SNTB1: variants seen among roughly 807,000 people sequenced by gnomAD.
SNTB1 encodes the protein beta-1-syntrophin.
In SNTB1, 36 loss-of-function variants were observed where a neutral mutation model predicts 48.9. The ratio of observed to expected loss-of-function variants is 0.74; its 90% CI spans 0.56 to 0.97. SNTB1 has a LOEUF of 0.97. SNTB1 is among the 50% of genes least tolerant of loss of function. SNTB1 has a pLI of 0.00. For synonymous variants in SNTB1, 299 were observed against 294.6 expected, an observed-to-expected ratio of 1.01 and a Z score of -0.15; for missense variants, 786 against 703.4, an observed-to-expected ratio of 1.12 and a Z score of -1.33.
chr8:120,654,245 T>C (rs1817461524), intron 2 of SNTB1, among the ~76,000 whole-genome samples: 1 of 151,904 alleles, frequency 6.6e-6, no homozygotes, highest in South Asian at 2.1e-4. Context: ...AAAGAAAATC[T>C]AGACAACTTC....
intron 2 of SNTB1, among the ~76,000 whole-genome samples, chr8:120,657,822 C>T (rs1817526269): frequency 6.6e-6 from 1 of 152,184 alleles, no homozygotes; most frequent in South Asian, 2.1e-4. Flanking sequence ...GAAGAGAACT[C>T]AACACAGATA....
At chr8:120,590,331 A>C (rs914909137) in intron 3 of SNTB1, among the ~76,000 whole-genome samples, 6 of 152,208 alleles carry the variant, frequency 3.9e-5, no homozygotes, top group Non-Finnish European at 8.8e-5. Flanking sequence ...GAGTTAAAGA[A>C]TCATGAGGCT....
chr8:120,542,423 G>A (rs1815303754), intron 5 of SNTB1, among the ~76,000 whole-genome samples: 1 of 152,200 alleles, frequency 6.6e-6, no homozygotes, highest in South Asian at 2.1e-4. Flanking sequence ...GGAGGCTGAG[G>A]TGGGCAGATC....
intron 4 of SNTB1, among the ~76,000 whole-genome samples, chr8:120,551,705 G>A (rs1036549592): frequency 6.4e-5 from 8 of 124,122 alleles, no homozygotes; most frequent in Non-Finnish European, 1.1e-4. Flanking sequence ...CAGCCTGAGC[G>A]ACAGAGTGAG....
At chr8:120,654,071 A>AAAAAAAAAT (rs1817457552) in intron 2 of SNTB1, among the ~76,000 whole-genome samples, 8 of 144,010 alleles carry the variant, frequency 5.6e-5, no homozygotes, top group Non-Finnish European at 7.6e-5. Context: ...AAAAAAAAAA[A>AAAAAAAAAT]GTTGTCTTCT....
chr8:120,719,310 A>G (rs879359621), intron 1 of SNTB1, among the ~76,000 whole-genome samples: 2 of 152,192 alleles, frequency 1.3e-5, no homozygotes, highest in Non-Finnish European at 2.9e-5. Flanking sequence ...CCCAGCTTAC[A>G]TCTATCTCCA....
At chr8:120,571,719 G>A (rs1265123680) in intron 4 of SNTB1, among the ~76,000 whole-genome samples, 2 of 151,730 alleles carry the variant, frequency 1.3e-5, no homozygotes, top group Admixed American at 6.6e-5. Context: ...GGCTGGTCTC[G>A]AACTCCTGAT....
chr8:120,609,852 C>T (rs532060640), intron 3 of SNTB1, among the ~76,000 whole-genome samples: 2 of 152,232 alleles, frequency 1.3e-5, no homozygotes, highest in Admixed American at 6.5e-5. Flanking sequence ...GTTTTCCAGG[C>T]TTTGTAAGAG....
At chr8:120,762,543 C>T (rs963959111) in intron 1 of SNTB1, among the ~76,000 whole-genome samples, 1 of 152,172 alleles carries the variant, frequency 6.6e-6, no homozygotes, top group African/African-American at 2.4e-5. Context: ...AAAGCTTCTC[C>T]TTGATTTTGC....
intron 1 of SNTB1, among the ~76,000 whole-genome samples, chr8:120,783,326 T>C (rs1393696915): frequency 6.6e-6 from 1 of 152,178 alleles, no homozygotes; most frequent in Non-Finnish European, 1.5e-5. Context: ...TTTTTTAAAA[T>C]TTATAATATT....
intron 1 of SNTB1, among the ~76,000 whole-genome samples, chr8:120,787,768 G>A (rs1037354775): frequency 1.3e-5 from 2 of 152,138 alleles, no homozygotes; most frequent in Non-Finnish European, 2.9e-5. Context: ...AGGTGTTCCT[G>A]AGGAGAAGAA....
intron 3 of SNTB1, among the ~76,000 whole-genome samples, chr8:120,604,756 T>C (rs978121339): frequency 7.2e-5 from 11 of 152,176 alleles, no homozygotes; most frequent in Admixed American, 1.3e-4. Context: ...TGGCCAACTT[T>C]TGCATTTTAA....
At chr8:120,585,398 G>A (rs1394002193) in intron 3 of SNTB1, among the ~76,000 whole-genome samples, 1 of 152,112 alleles carries the variant, frequency 6.6e-6, no homozygotes, top group Non-Finnish European at 1.5e-5. Context: ...CTGCCTCCTG[G>A]CATGTGAGGC....
At chr8:120,719,769 A>G (rs1039393513) in intron 1 of SNTB1, among the ~76,000 whole-genome samples, 1 of 150,736 alleles carries the variant, frequency 6.6e-6, no homozygotes, top group Admixed American at 6.6e-5. Context: ...AAGACAGAAA[A>G]GCCAACATGG....
intron 1 of SNTB1, among the ~76,000 whole-genome samples, chr8:120,745,980 T>A (rs1819119130): frequency 6.6e-6 from 1 of 152,212 alleles, no homozygotes; most frequent in Non-Finnish European, 1.5e-5. Context: ...ACCCCAGCTC[T>A]GTGGGTCCAA....
intron 1 of SNTB1, among the ~76,000 whole-genome samples, chr8:120,793,487 G>A (rs923798467): frequency 4.6e-5 from 7 of 152,052 alleles, no homozygotes; most frequent in African/African-American, 1.7e-4. Context: ...ATGTAAGAGA[G>A]AGGACACAGG....
chr8:120,770,393 T>C (rs1171509385), intron 1 of SNTB1, among the ~76,000 whole-genome samples: 1 of 141,258 alleles, frequency 7.1e-6, no homozygotes, highest in Non-Finnish European at 1.5e-5. Context: ...GGTCTAGTAA[T>C]AAAGCATTTT....
At chr8:120,662,708 C>T (rs1817609655) in intron 2 of SNTB1, among the ~76,000 whole-genome samples, 1 of 152,140 alleles carries the variant, frequency 6.6e-6, no homozygotes, top group Admixed American at 6.5e-5. Context: ...TTAAACTTTA[C>T]ATCCAGCAGT....
At chr8:120,707,565 T>C (rs764209673) in intron 1 of SNTB1, among the ~76,000 whole-genome samples, 1 of 152,184 alleles carries the variant, frequency 6.6e-6, no homozygotes, top group Admixed American at 6.6e-5. Context: ...TGGGCCTTTG[T>C]TGTTTTTTAA....
Sources: allele counts gnomAD v4.1 joint callset (sites outside exome capture counted in the v4.1 genomes callset), GRCh38; gene constraint gnomAD v4.1.1; transcripts MANE v1.5; gene names NCBI Gene and HGNC (gene_info 2026-07-23, HGNC 2026-07-21).